The following GPRC5A variants were observed in gnomAD, a reference collection of about 807,000 sequenced individuals.
The protein encoded by GPRC5A is G protein-coupled receptor class C group 5 member A.
Under a neutral mutation model 22.5 loss-of-function variants are expected in GPRC5A, and 19 were observed. That is an observed-to-expected ratio of 0.85 (90% CI 0.59 to 1.24). The LOEUF (loss-of-function observed/expected upper bound fraction) is 1.24, where lower values mean the gene tolerates loss of function less well. Among genes scored for constraint, GPRC5A ranks in the 50% most tolerant of loss-of-function variants. GPRC5A has a pLI of 0.00. For missense variants in GPRC5A, 471 were observed against 451.1 expected, an observed-to-expected ratio of 1.04 and a Z score of -0.40; for synonymous variants, 192 against 184.5, an observed-to-expected ratio of 1.04 and a Z score of -0.33.
rs959938514 is a variant in GPRC5A, at chr12:12,915,844, G to T, written c.*3305G>T. ...TTGTTTCCCTTCTAAGAAACGCAGT[G>T]GTCTCTGAAGCCTGCAGGGGCAGGC... On this transcript the variant is annotated 3_prime_UTR_variant, in exon 4 of 4. Coordinates refer to ENST00000014914, the MANE Select transcript of GPRC5A (RefSeq NM_003979.4). 4 of 523,348 alleles carry T rather than the reference G, an allele frequency of 7.6e-6. No individual in the cohort carries two copies. Among genetic ancestry groups the T allele is most frequent in the Non-Finnish European group, 1.6e-5 (4 of 253,500 alleles). The allele number at this position is 523,348 out of a possible 1,614,324, so 32.4% of individuals were successfully genotyped here.
rs777737316 is a variant in GPRC5A, at chr12:12,912,139, G to T, written c.978G>T (p.Leu326=). The T allele has an allele frequency of 2.5e-6, 4 of 1,607,810 alleles. No homozygotes were observed. Among genetic ancestry groups the T allele is most frequent in the Non-Finnish European group, 2.6e-6 (3 of 1,174,328 alleles). The part of the protein sequence containing the change: ...LYAPYSTHFQ[L]QNQPPQKEFS... ...CCCCCTATTCCACACATTTTCAGCT[G>T]CAGGTAAGTGATTTTTTTCTCCCTC... The change falls in exon 3 of 4, where the codon CTG becomes CTT. Residue 326 remains leucine (L), a synonymous_variant. Coordinates refer to ENST00000014914, the MANE Select transcript of GPRC5A (RefSeq NM_003979.4).
intron 2 of GPRC5A, among the ~76,000 whole-genome samples, chr12:12,910,957 G>A (rs1227398392): frequency 6.7e-6 from 1 of 149,102 alleles, no homozygotes. Flanking sequence ...CACAAGCTCT[G>A]CCTCCCAGGT....
intron 1 of GPRC5A, among the ~76,000 whole-genome samples, chr12:12,907,772 C>T (rs948674978): frequency 2.0e-5 from 3 of 152,168 alleles, no homozygotes; most frequent in Non-Finnish European, 4.4e-5. Context: ...GCTGGGACTA[C>T]AGGTGCGTGC....
In GPRC5A at chr12:12,903,313, T is replaced by C. The variant is rs1346835929; in HGVS notation, c.-7-4930T>C. 2.0e-5 allele frequency among the ~76,000 whole-genome samples: 3 copies of C among 152,310 alleles called. No individual in the cohort carries two copies. The South Asian group carries it at 6.2e-4, about 32-fold the overall frequency. On this transcript the variant is annotated intron_variant, in intron 1 of 3. Transcript: ENST00000014914. ...TTTTTTAAAAATAGACACGGTCTTATTCTATCTCCCAGGCAGAATTGCGGT... is the reference window on the plus strand; with the variant it reads ...TTTTTTAAAAATAGACACGGTCTTACTCTATCTCCCAGGCAGAATTGCGGT...
In GPRC5A at chr12:12,909,059, G is replaced by A. The variant is rs776144207; in HGVS notation, c.810G>A (p.Lys270=). 2 of 1,609,716 alleles carry A rather than the reference G, an allele frequency of 1.2e-6. No individual in the cohort carries two copies. Among genetic ancestry groups the A allele is most frequent in the African/African-American group, 2.7e-5 (2 of 74,922 alleles). The part of the protein sequence containing the change: ...YVSPEFWLLT[K]QRNPMDYPVE... Reference sequence around the variant, plus strand: ...GTCCCGAGTTTTGGCTGCTCACAAAGCAACGAAACCCCATGGATTATCCTG... The same window carrying A: ...GTCCCGAGTTTTGGCTGCTCACAAAACAACGAAACCCCATGGATTATCCTG... The change falls in exon 2 of 4, where the codon AAG becomes AAA. Residue 270 remains lysine (K), a synonymous_variant. Transcript: ENST00000014914.
Position 12,912,715 on chromosome 12 carries a change from TA to T in GPRC5A, c.*178del. The T allele has an allele frequency of 1.8e-6, 1 of 565,800 alleles. No homozygotes were observed. Among genetic ancestry groups the T allele is most frequent in the East Asian group, 2.9e-5 (1 of 35,044 alleles). The allele number at this position is 565,800 out of a possible 1,614,324, so 35.0% of individuals were successfully genotyped here. A position where few individuals can be genotyped will look rare whatever the true frequency, so the allele number is the denominator to read the frequency against. ...CCATGCTGGGGCTGATGTGGGCTAGTAAGACTCCAGTTCTTAGAGGCGCTGT... is the reference window on the plus strand; with the variant it reads ...CCATGCTGGGGCTGATGTGGGCTAGTAGACTCCAGTTCTTAGAGGCGCTGT... On this transcript the variant is annotated 3_prime_UTR_variant, in exon 4 of 4. Transcript: ENST00000014914.
rs1863966339 is a variant in GPRC5A at position 12,908,495 on chromosome 12, C to A, written c.246C>A (p.Thr82=). ...GTGTGTTGGGCATCTTTGGCCTCAC[C>A]TTCGCCTTCATCATCGGACTGGACG... ...LLGVLGIFGL[T]FAFIIGLDGS... The change falls in exon 2 of 4, where the codon ACC becomes ACA. Residue 82 remains threonine (T), a synonymous_variant. Transcript: ENST00000014914. 1 of 1,614,038 alleles carries A rather than the reference C, an allele frequency of 6.2e-7. No homozygotes were observed. The highest frequency in any genetic ancestry group is 1.1e-5 in the South Asian group (1 of 91,078).
intron 1 of GPRC5A, among the ~76,000 whole-genome samples, chr12:12,896,011 AAAAAG>A (rs1565462598): frequency 1.4e-5 from 2 of 145,494 alleles, no homozygotes; most frequent in African/African-American, 2.5e-5. Flanking sequence ...AAAAAAAAAA[AAAAAG>A]GATAGTATAC....
In GPRC5A at chr12:12,908,275, GC is replaced by G. The variant is rs1203492108; in HGVS notation, c.28del (p.Arg10AlafsTer4). 6.3e-7 allele frequency: 1 copy of G among 1,597,440 alleles called. No homozygotes were observed. The highest frequency in any genetic ancestry group is 8.5e-7 in the Non-Finnish European group (1 of 1,172,156). On this transcript the variant is annotated frameshift_variant, in exon 2 of 4. Coordinates refer to ENST00000014914, the MANE Select transcript of GPRC5A (RefSeq NM_003979.4). LOFTEE classifies it high-confidence loss of function. MATTVPDGCRNGLKSKYYR... is the reference protein window; with the variant it reads MATTVPDGXRNGLKSKYYR... ...ATGGCTACAACAGTCCCTGATGGTT[GC>G]CGCAATGGCCTGAAATCCAAGTACT...
intron 1 of GPRC5A, among the ~76,000 whole-genome samples, chr12:12,907,648 A>G (rs1863956796): frequency 6.6e-6 from 1 of 152,134 alleles, no homozygotes; most frequent in African/African-American, 2.4e-5. Flanking sequence ...TATATATTTC[A>G]AGAGACAGGG....
chr12:12,910,612 C>T (rs1320865975), intron 2 of GPRC5A, among the ~76,000 whole-genome samples: 1 of 152,158 alleles, frequency 6.6e-6, no homozygotes, highest in African/African-American at 2.4e-5. Context: ...TGCTTTCCTG[C>T]CTGTGCCTGT....
rs1864067230 is a variant in GPRC5A at position 12,916,674 on chromosome 12, A to G, written c.*4135A>G. 1 of 152,250 alleles carries G rather than the reference A, an allele frequency of 6.6e-6. No homozygotes were observed. The highest frequency in any genetic ancestry group is 1.5e-5 in the Non-Finnish European group (1 of 68,050). The allele number at this position is 152,250 out of a possible 1,614,324, so 9.4% of individuals were successfully genotyped here. A position where few individuals can be genotyped will look rare whatever the true frequency, so the allele number is the denominator to read the frequency against. ...TTGTGAAACCCTCCAAGGTATTTCC[A>G]GTCCATTTGCATCCAATCTGGCATC... On this transcript the variant is annotated 3_prime_UTR_variant, in exon 4 of 4. Coordinates refer to ENST00000014914, the MANE Select transcript of GPRC5A (RefSeq NM_003979.4).
rs879216409 is a variant in GPRC5A at position 12,917,249 on chromosome 12, TGTGC to T, written c.*4722_*4725del. On this transcript the variant is annotated 3_prime_UTR_variant, in exon 4 of 4. Coordinates refer to ENST00000014914, the MANE Select transcript of GPRC5A (RefSeq NM_003979.4). ...GTGTGTGTGTGTGTGTGTGTGTGTGTGTGCGTGCGTGCGTGTATGTGCGCCTGAC... is the reference window on the plus strand; with the variant it reads ...GTGTGTGTGTGTGTGTGTGTGTGTGTGTGCGTGCGTGTATGTGCGCCTGAC... The T allele has an allele frequency of 1.5e-3, 85 of 57,670 alleles. No homozygotes were observed. The highest frequency in any genetic ancestry group is 2.9e-3 in the Admixed American group (10 of 3,502). The allele number at this position is 57,670 out of a possible 1,614,324, so 3.6% of individuals were successfully genotyped here.
chr12:12,893,787 G>A (rs1041132267), intron 1 of GPRC5A, among the ~76,000 whole-genome samples: 7 of 152,150 alleles, frequency 4.6e-5, no homozygotes, highest in East Asian at 1.9e-4. Context: ...ATGGAGTCTC[G>A]CTCTTGCCCA....
rs117646673 is a variant in GPRC5A at position 12,904,854 on chromosome 12, A to G, written c.-7-3389A>G. The stretch of plus-strand genomic sequence containing the variant: ...ATTAAATAATTTTGGTAAGATGACT[A>G]TCTCTTCTAGTGGAAAAGAAAATTT... On this transcript the variant is annotated intron_variant, in intron 1 of 3. Coordinates refer to ENST00000014914, the MANE Select transcript of GPRC5A (RefSeq NM_003979.4). Among the ~76,000 whole-genome samples, 568 of 148,884 alleles carry G rather than the reference A, an allele frequency of 3.8e-3. 3 individuals are homozygous for G. The highest frequency in any genetic ancestry group is 0.011 in the Middle Eastern group (3 of 282).
chr12:12,894,583 A>G (rs576565441), intron 1 of GPRC5A, among the ~76,000 whole-genome samples: 1 of 151,196 alleles, frequency 6.6e-6, no homozygotes, highest in African/African-American at 2.4e-5. Flanking sequence ...TAATTTTTAA[A>G]TTTTTTGTAG....
At chr12:12,912,314 C>T (rs1864013587) in intron 3 of GPRC5A, 133 bp from the exon 4 acceptor site, 2 of 840,038 alleles carry the variant, frequency 2.4e-6, no homozygotes, top group African/African-American at 3.3e-5. Flanking sequence ...AGAATGAGTG[C>T]TTGGCATAGA....
chr12:12,897,635 G>A (rs573501904), intron 1 of GPRC5A, among the ~76,000 whole-genome samples: 1 of 143,504 alleles, frequency 7.0e-6, no homozygotes, highest in East Asian at 2.0e-4. Flanking sequence ...TTGAGACCAT[G>A]TCTCACTCTG....
At chr12:12,899,533 A>G (rs1863860178) in intron 1 of GPRC5A, among the ~76,000 whole-genome samples, 1 of 152,178 alleles carries the variant, frequency 6.6e-6, no homozygotes, top group Non-Finnish European at 1.5e-5. Flanking sequence ...CTGGACATGT[A>G]CCTTCCTCAC....
Sources: allele counts gnomAD v4.1 joint callset (sites outside exome capture counted in the v4.1 genomes callset), GRCh38; gene constraint gnomAD v4.1.1; transcripts MANE v1.5; gene names NCBI Gene and HGNC (gene_info 2026-07-23, HGNC 2026-07-21).